DYNC2H1: variants seen among roughly 807,000 people sequenced by gnomAD.
DYNC2H1 encodes cytoplasmic dynein 2 heavy chain 1.
In DYNC2H1, 410 loss-of-function variants were observed where a neutral mutation model predicts 570.0. The observed-to-expected ratio is 0.72, with a 90% confidence interval of 0.66 to 0.78. The LOEUF is 0.78. DYNC2H1 is among the 30% of genes least tolerant of loss of function. The pLI, the probability that DYNC2H1 is intolerant of heterozygous loss-of-function variation, is 0.00. For missense variants in DYNC2H1, 4,865 were observed against 5,046.4 expected (o/e 0.96, Z 1.09); for synonymous variants, 1,688 against 1,677.6 (o/e 1.01, Z -0.15).
At chr11:103,171,835 CTT>C (rs1861586151) in intron 34 of DYNC2H1, among the ~76,000 whole-genome samples, 1 of 151,976 alleles carries the variant, frequency 6.6e-6, no homozygotes, top group Non-Finnish European at 1.5e-5. Flanking sequence ...TTTGTTTAAC[CTT>C]CAAGCATAGG....
chr11:103,429,002 T>C (rs1423541374), intron 84 of DYNC2H1, among the ~76,000 whole-genome samples: 1 of 152,168 alleles, frequency 6.6e-6, no homozygotes, highest in Admixed American at 6.5e-5. Context: ...GGCTCACGCC[T>C]GTAATCCTAG....
intron 85 of DYNC2H1, among the ~76,000 whole-genome samples, chr11:103,448,629 T>C (rs903467138): frequency 6.6e-6 from 1 of 152,184 alleles, no homozygotes; most frequent in Non-Finnish European, 1.5e-5. Context: ...AGATTTCTTA[T>C]AGTCAGCTTT....
rs368644023 is a variant in DYNC2H1, at chr11:103,243,753, C to G, written c.9880C>G (p.His3294Asp). Residue 3294 changes from histidine (H) to aspartate (D), a missense_variant, in exon 64 of 89, where the codon CAT (histidine) becomes GAT (aspartate). Physicochemically the swap from His to Asp is moderately conservative, Grantham distance 81. Transcript: ENST00000375735. This position sits in a 1 kb window ranked among gnomAD's most constrained non-coding sequence, Gnocchi z 4.8. ...CCAAGCTACAGAGTGGTTAAAAACA[C>G]ATTTGAAAGACTCACGTTTAGAAGT... ...SSQATEWLKT[H>D]LKDSRLEVIN... 2.5e-6 allele frequency: 4 copies of G among 1,604,502 alleles called. No homozygotes were observed. Among genetic ancestry groups the G allele is most frequent in the Non-Finnish European group, 2.6e-6 (3 of 1,174,986 alleles).
intron 55 of DYNC2H1, among the ~76,000 whole-genome samples, chr11:103,216,404 G>A (rs1342068505): frequency 6.6e-6 from 1 of 152,042 alleles, no homozygotes; most frequent in Admixed American, 6.6e-5. Flanking sequence ...GGATGATCTT[G>A]TTCATTATAT....
At chr11:103,385,435 T>G (rs1001057952) in intron 83 of DYNC2H1, among the ~76,000 whole-genome samples, 2 of 152,270 alleles carry the variant, frequency 1.3e-5, no homozygotes, top group African/African-American at 4.8e-5. Flanking sequence ...CAGCTGAATC[T>G]GATCTGTCAG....
At chr11:103,368,193 A>G (rs1369567297) in intron 83 of DYNC2H1, among the ~76,000 whole-genome samples, 2 of 152,322 alleles carry the variant, frequency 1.3e-5, no homozygotes, top group East Asian at 3.9e-4. Context: ...TTAAAATAAT[A>G]GCTATACTAA....
Position 103,424,728 on chromosome 11 carries a change from C to T in DYNC2H1, c.12367-11215C>T, listed in dbSNP as rs375804516. ...TCCAAAAAAAAAAAAAAAGAGGAGG[C>T]AACTTTGATCTATATAGCATTTTCT... On this transcript the variant is annotated intron_variant, in intron 84 of 88. Coordinates refer to ENST00000375735, the MANE Select transcript of DYNC2H1 (RefSeq NM_001377.3). Among the ~76,000 whole-genome samples the T allele has an allele frequency of 9.6e-5, 14 of 145,102 alleles. 1 individual carries two copies. Among genetic ancestry groups the T allele is most frequent in the African/African-American group, 3.4e-4 (13 of 38,528 alleles).
chr11:103,283,235 A>G (rs2135344518), intron 73 of DYNC2H1, 150 bp downstream of exon 73: 1 of 526,532 alleles, frequency 1.9e-6, no homozygotes, highest in East Asian at 3.2e-5. Flanking sequence ...GAATTATTGT[A>G]ATTAGTCCTT....
intron 83 of DYNC2H1, among the ~76,000 whole-genome samples, chr11:103,393,121 T>C (rs1942243395): frequency 6.6e-6 from 1 of 152,012 alleles, no homozygotes; most frequent in African/African-American, 2.4e-5. Flanking sequence ...TGACCTCAGG[T>C]GATCCACACA....
At chr11:103,416,470 C>T (rs1943287393) in intron 84 of DYNC2H1, among the ~76,000 whole-genome samples, 1 of 152,040 alleles carries the variant, frequency 6.6e-6, no homozygotes, top group South Asian at 2.1e-4. Context: ...GATTATAGAC[C>T]AATGGAACAG....
intron 81 of DYNC2H1, 105 bp downstream of exon 81, chr11:103,321,342 TCA>T (rs772875587): frequency 8.9e-7 from 1 of 1,122,660 alleles, no homozygotes; most frequent in Non-Finnish European, 1.3e-6. Context: ...AAGTAATTAT[TCA>T]CAGTTTGGAT....
chr11:103,116,696 C>A lies in DYNC2H1; in HGVS notation c.748C>A (p.His250Asn). The change falls in exon 5 of 89, where the codon CAT (histidine) becomes AAT (asparagine). Residue 250 changes from histidine to asparagine, a missense_variant. Physicochemically the swap from His to Asn is moderately conservative, Grantham distance 68 (BLOSUM62 1). Coordinates refer to ENST00000375735, the MANE Select transcript of DYNC2H1 (RefSeq NM_001377.3). ...TCATTATCCTGAGTCACGAATGTTGCATCTCTTAGACATCATAGGTACTAG... is the reference window on the plus strand; with the variant it reads ...TCATTATCCTGAGTCACGAATGTTGAATCTCTTAGACATCATAGGTACTAG... ...HDHYPESRML[H>N]LLDIIGGSFG... 1.9e-6 allele frequency: 3 copies of A among 1,602,518 alleles called. No individual in the cohort carries two copies. The highest frequency in any genetic ancestry group is 2.6e-6 in the Non-Finnish European group (3 of 1,174,058).
chr11:103,337,982 T>A (rs1168079102), intron 82 of DYNC2H1, among the ~76,000 whole-genome samples: 1 of 152,208 alleles, frequency 6.6e-6, no homozygotes, highest in African/African-American at 2.4e-5. Context: ...ATTTCCCCAA[T>A]GTTTTCTTCT....
At chr11:103,444,244 AATT>A (rs1555134602) in intron 85 of DYNC2H1, among the ~76,000 whole-genome samples, 1 of 151,942 alleles carries the variant, frequency 6.6e-6, no homozygotes, top group Non-Finnish European at 1.5e-5. Flanking sequence ...TTTTTATAAT[AATT>A]ATTCTTTAAA....
chr11:103,399,126 A>G (rs1403858034), intron 83 of DYNC2H1, among the ~76,000 whole-genome samples: 2 of 120,856 alleles, frequency 1.7e-5, no homozygotes, highest in Non-Finnish European at 3.4e-5. Flanking sequence ...CTTAATTCTC[A>G]TTTCCCACAC....
At chr11:103,159,129 C>A (rs1184330868) in intron 28 of DYNC2H1, 102 bp downstream of exon 28, 6 of 833,158 alleles carry the variant, frequency 7.2e-6, no homozygotes, top group Admixed American at 2.7e-5. Context: ...GCAGTCAGTT[C>A]ATATACCCAA....
In DYNC2H1 at chr11:103,252,225, G is replaced by A. The variant is rs3103; in HGVS notation, c.10043-1060G>A. Among the ~76,000 whole-genome samples, 37,020 of 151,760 alleles carry A rather than the reference G, an allele frequency of 0.24. 5,043 individuals carry two copies. The highest frequency in any genetic ancestry group is 0.38 in the African/African-American group (15,689 of 41,328). Reference sequence around the variant, plus strand: ...GATGCGATTACAGGCATAAGCAGCCGTGCCTGACCCACATTTTCTTTATCC... The same window carrying A: ...GATGCGATTACAGGCATAAGCAGCCATGCCTGACCCACATTTTCTTTATCC... On this transcript the variant is annotated intron_variant, in intron 65 of 88. Coordinates refer to ENST00000375735, the MANE Select transcript of DYNC2H1 (RefSeq NM_001377.3). The surrounding 1 kb of genome is among the most constrained non-coding windows in gnomAD (Gnocchi z 4.6).
Position 103,133,691 on chromosome 11 carries a change from C to G in DYNC2H1, c.2090C>G (p.Thr697Ser). 1 of 1,606,374 alleles carries G rather than the reference C, an allele frequency of 6.2e-7. No individual in the cohort carries two copies. The highest frequency in any genetic ancestry group is 8.5e-7 in the Non-Finnish European group (1 of 1,176,138). The part of the protein sequence containing the change: ...TENRKLRKWH[T>S]TFCEKVVVLM... ...AATAGAAAACTGAGAAAATGGCACA[C>G]TACATTTTGTGAAAAGGTATATTTT... The change falls in exon 14 of 89, where the codon ACT becomes AGT. Residue 697 changes from threonine to serine, a missense_variant. Physicochemically the swap from Thr to Ser is moderately conservative, Grantham distance 58. This residue lies in a region of DYNC2H1 where 1,936 missense variants were observed against 1,962.1 expected (regional missense o/e 0.99). Coordinates refer to ENST00000375735, the MANE Select transcript of DYNC2H1 (RefSeq NM_001377.3). This position sits in a 1 kb window ranked among gnomAD's most constrained non-coding sequence, Gnocchi z 4.8.
chr11:103,350,998 C>T (rs1940026948), intron 82 of DYNC2H1, among the ~76,000 whole-genome samples: 1 of 152,124 alleles, frequency 6.6e-6, no homozygotes, highest in Non-Finnish European at 1.5e-5. Flanking sequence ...TTCTAATATT[C>T]CCAGTGCTTC....
Sources: allele counts gnomAD v4.1 joint callset (sites outside exome capture counted in the v4.1 genomes callset), GRCh38; gene constraint gnomAD v4.1.1; regional missense constraint gnomAD v4.1.1; non-coding constraint Gnocchi (gnomAD v3.1); transcripts MANE v1.5; gene names NCBI Gene and HGNC (gene_info 2026-07-23, HGNC 2026-07-21).